Variants in ATG7 observed in about 807,000 individuals in gnomAD.
ATG7 encodes the protein ubiquitin-like modifier-activating enzyme ATG7.
Under a neutral mutation model 82.4 loss-of-function variants are expected in ATG7, and 70 were observed. The ratio of observed to expected loss-of-function variants is 0.85; its 90% confidence interval spans 0.70 to 1.04. The LOEUF (loss-of-function observed/expected upper bound fraction) is 1.04, where lower values mean the gene tolerates loss of function less well. Among genes scored for constraint, ATG7 ranks in the 50% least tolerant of loss-of-function variants. The pLI, the probability that ATG7 is intolerant of heterozygous loss-of-function variation, is 0.00. For missense variants in ATG7, 792 were observed against 864.3 expected (o/e 0.92, Z 1.05); for synonymous variants, 287 against 313.0 (o/e 0.92, Z 0.88).
rs747599089 is a variant in ATG7, at chr3:11,313,326, A to G, written c.434A>G (p.Tyr145Cys). The G allele has an allele frequency of 3.7e-6, 6 of 1,610,074 alleles. No homozygotes were observed. Among genetic ancestry groups the G allele is most frequent in the East Asian group, 2.2e-5 (1 of 44,766 alleles). ...TFADLKKYHF[Y>C]YWFCYPALCL... Reference sequence around the variant, plus strand: ...TAGGATCTAAAGAAGTACCACTTCTACTATTGGTTTTGCTATCCTGCCCTC... The same window carrying G: ...TAGGATCTAAAGAAGTACCACTTCTGCTATTGGTTTTGCTATCCTGCCCTC... The change falls in exon 8 of 21, where the codon TAC becomes TGC. Residue 145 changes from tyrosine (Y) to cysteine (C), a missense_variant. By Grantham distance (194) the Tyr-to-Cys change is radical (BLOSUM62 -2). Coordinates refer to ENST00000693202, the MANE Select transcript of ATG7 (RefSeq NM_001349232.2).
chr3:11,338,580 T>A (rs2152768381), intron 11 of ATG7, among the ~76,000 whole-genome samples: 1 of 152,268 alleles, frequency 6.6e-6, no homozygotes, highest in Non-Finnish European at 1.5e-5. Context: ...CTCCGAAGGC[T>A]GAAGCTGGAG....
chr3:11,318,856 C>G (rs1477013793), intron 9 of ATG7, among the ~76,000 whole-genome samples: 3 of 152,212 alleles, frequency 2.0e-5, no homozygotes, highest in Non-Finnish European at 4.4e-5. Flanking sequence ...ACCTACCTTT[C>G]TGATTCATTA....
chr3:11,511,647 G>A (rs997131612), intron 20 of ATG7, among the ~76,000 whole-genome samples: 1 of 152,222 alleles, frequency 6.6e-6, no homozygotes, highest in South Asian at 2.1e-4. Context: ...TGAGCAGGGG[G>A]TGGTGCTCGT....
chr3:11,303,239 G>T (rs1251519964), intron 5 of ATG7, among the ~76,000 whole-genome samples: 1 of 152,166 alleles, frequency 6.6e-6, no homozygotes, highest in Non-Finnish European at 1.5e-5. Flanking sequence ...GAGAACTCGT[G>T]GCCTCACTTG....
At chr3:11,377,496 G>A (rs2152841853) in intron 18 of ATG7, among the ~76,000 whole-genome samples, 2 of 152,130 alleles carry the variant, frequency 1.3e-5, no homozygotes, top group South Asian at 4.1e-4. Context: ...TACCCCAACT[G>A]GATCTACTTT....
chr3:11,359,534 GA>G (rs1426956596), intron 15 of ATG7, among the ~76,000 whole-genome samples: 10 of 151,760 alleles, frequency 6.6e-5, no homozygotes, highest in African/African-American at 2.4e-4. Context: ...CTCTCTAGAA[GA>G]AAAACAAAAA....
intron 18 of ATG7, among the ~76,000 whole-genome samples, chr3:11,378,840 A>C (rs2152844739): frequency 6.6e-6 from 1 of 151,778 alleles, no homozygotes; most frequent in African/African-American, 2.4e-5. Context: ...TTCTTTAAAT[A>C]GTTTGTCAAA....
intron 18 of ATG7, among the ~76,000 whole-genome samples, chr3:11,369,646 A>G (rs143175266): frequency 1.3e-5 from 2 of 151,336 alleles, no homozygotes; most frequent in East Asian, 1.9e-4. Context: ...AGGTCTAACA[A>G]TGTCTGGGCT....
intron 6 of ATG7, among the ~76,000 whole-genome samples, chr3:11,307,543 CCTCTTTTCCTTTCTGACCTCTTTA>C (rs1947953963): frequency 6.6e-6 from 1 of 152,212 alleles, no homozygotes; most frequent in Non-Finnish European, 1.5e-5. Flanking sequence ...GCCCTGTTTT[CCTCTTTTCCTTTCTGACCTCTTTA>C]CTCTTGCCCT....
At chr3:11,558,458 CCCA>C, downstream of ATG7, 2 of 1,029,734 alleles carry the variant, frequency 1.9e-6, no homozygotes, top group South Asian at 1.5e-5. Context: ...TTCCCTTCCC[CCCA>C]CCCCACCCCC....
At chr3:11,306,519 T>A (rs947473355) in intron 5 of ATG7, among the ~76,000 whole-genome samples, 5 of 152,098 alleles carry the variant, frequency 3.3e-5, no homozygotes, top group Non-Finnish European at 5.9e-5. Flanking sequence ...ACTCAGCTAG[T>A]TCTGGTTTTA....
chr3:11,568,635 C>T, the ATG7 span: 2 of 1,569,244 alleles, frequency 1.3e-6, no homozygotes, highest in East Asian at 2.3e-5. The surrounding 1 kb of genome is among the most constrained non-coding windows in gnomAD (Gnocchi z 5.9). Flanking sequence ...GTTCCCGGAG[C>T]TTCAAGACAG....
intron 19 of ATG7, among the ~76,000 whole-genome samples, chr3:11,421,472 T>C (rs1440005462): frequency 6.6e-6 from 1 of 152,200 alleles, no homozygotes; most frequent in Non-Finnish European, 1.5e-5. Flanking sequence ...AAGCAACTCC[T>C]CATCTGTTCA....
intron 9 of ATG7, among the ~76,000 whole-genome samples, chr3:11,329,888 T>C (rs1951403256): frequency 6.6e-6 from 1 of 152,246 alleles, no homozygotes; most frequent in Non-Finnish European, 1.5e-5. Context: ...CAGTCCAGGA[T>C]ACTACATTGC....
At chr3:11,364,759 CA>C in intron 18 of ATG7, 25 bp downstream of exon 18, 1 of 1,612,374 alleles carries the variant, frequency 6.2e-7, no homozygotes, top group Non-Finnish European at 8.5e-7. Flanking sequence ...AGTGAAATCA[CA>C]ATTCTTTTGG....
At chr3:11,436,228 A>G (rs1275568672) in intron 20 of ATG7, among the ~76,000 whole-genome samples, 3 of 152,258 alleles carry the variant, frequency 2.0e-5, no homozygotes, top group African/African-American at 7.2e-5. Flanking sequence ...TAAGATGCCC[A>G]ACATCAATAG....
At chr3:11,375,208 AAAAC>A (rs2077323752) in intron 18 of ATG7, among the ~76,000 whole-genome samples, 2 of 152,214 alleles carry the variant, frequency 1.3e-5, no homozygotes, top group Admixed American at 1.3e-4. Flanking sequence ...ACACTCTATC[AAAAC>A]AAACAAATGA....
chr3:11,353,401 A>C (rs1220944703), intron 14 of ATG7, among the ~76,000 whole-genome samples: 1 of 152,136 alleles, frequency 6.6e-6, no homozygotes, highest in Non-Finnish European at 1.5e-5. Context: ...CTGAGATTGC[A>C]CCACTGCACT....
At chr3:11,554,032 G>A (rs975977515) in intron 20 of ATG7, among the ~76,000 whole-genome samples, 1 of 152,166 alleles carries the variant, frequency 6.6e-6, no homozygotes, top group African/African-American at 2.4e-5. Flanking sequence ...TGCTGTGCTG[G>A]CCTTGGGCTC....
Sources: allele counts gnomAD v4.1 joint callset (sites outside exome capture counted in the v4.1 genomes callset), GRCh38; gene constraint gnomAD v4.1.1; non-coding constraint Gnocchi (gnomAD v3.1); transcripts MANE v1.5; gene names NCBI Gene and HGNC (gene_info 2026-07-23, HGNC 2026-07-21).